Variants in SART3 observed in about 807,000 individuals in gnomAD.
The protein encoded by SART3 is HIV-1 Tat-interacting protein of 110kDa.
SART3 carries 44 observed loss-of-function variants against 122.3 expected under a neutral mutation model. That is an observed-to-expected ratio of 0.36 (90% CI 0.28 to 0.46). The LOEUF (loss-of-function observed/expected upper bound fraction) is 0.46. Ranked by LOEUF, SART3 falls within the 20% of genes least tolerant of loss-of-function variation. SART3 has a pLI of 1.00. For synonymous variants in SART3, 442 were observed against 454.0 expected (o/e 0.97, Z 0.34); for missense variants, 1,101 against 1,229.0 (o/e 0.90, Z 1.56).
intron 1 of SART3, among the ~76,000 whole-genome samples, chr12:108,559,443 A>G (rs577516429): frequency 6.6e-6 from 1 of 152,272 alleles, no homozygotes; most frequent in South Asian, 2.1e-4. Context: ...AGGTGGGTGG[A>G]TCACCTGAGG....
chr12:108,556,100 CTT>C (rs5800833), intron 1 of SART3, among the ~76,000 whole-genome samples: 128 of 145,798 alleles, frequency 8.8e-4, no homozygotes, highest in South Asian at 1.3e-3. Context: ...GAGAAACTCT[CTT>C]TTTTTTTTTT....
rs80028442 is a variant in SART3, at chr12:108,559,177, C to T, written c.312+1666G>A. On this transcript the variant is annotated intron_variant, in intron 1 of 18. Transcript: ENST00000546815. ...CTATCTCATAACAAAAATATCAGTG[C>T]CAGAGAGAGTATTATAAGGAAACTG... 2.8e-3 allele frequency among the ~76,000 whole-genome samples: 425 copies of T among 151,832 alleles called. 3 individuals are homozygous for T. The highest frequency in any genetic ancestry group is 9.7e-3 in the African/African-American group (400 of 41,370).
rs1593236487 is a variant in SART3, at chr12:108,532,415, T to C, written c.1557-81A>G. The C allele has an allele frequency of 1.4e-5, 16 of 1,120,498 alleles. No individual in the cohort carries two copies. In the South Asian group the frequency reaches 1.7e-4, roughly 12 times the overall value. 69.4% of individuals were successfully genotyped at this position (1,120,498 alleles called of 1,614,324 possible). A position where few individuals can be genotyped will look rare whatever the true frequency, so the allele number is the denominator to read the frequency against. On this transcript the variant is annotated intron_variant, in intron 12 of 18. Coordinates refer to ENST00000546815, the MANE Select transcript of SART3 (RefSeq NM_014706.4). The stretch of plus-strand genomic sequence containing the variant: ...AAGGGAGAGGCCGTCTTCTCCCAGG[T>C]AGAAACTCACTCTTCAGTAACTCTA...
chr12:108,536,961 G>GA, intron 9 of SART3, 176 bp from the exon 10 acceptor site: 1 of 655,716 alleles, frequency 1.5e-6, no homozygotes, highest in Non-Finnish European at 2.7e-6. Flanking sequence ...AAAGAAATTT[G>GA]AACAGAATAG....
intron 15 of SART3, among the ~76,000 whole-genome samples, chr12:108,529,456 A>G (rs1593234367): frequency 6.6e-6 from 1 of 152,196 alleles, no homozygotes; most frequent in African/African-American, 2.4e-5. Flanking sequence ...GGAAAGTATA[A>G]GATGACCCTT....
At position 108,535,466 on chromosome 12, in the gene SART3, A is replaced by G. The variant is rs1033816789; in HGVS notation, c.1449T>C (p.Ala483=). Residue 483 remains alanine, a splice_region_variant and synonymous_variant, in exon 12 of 19, where the codon GCT becomes GCC. Coordinates refer to ENST00000546815, the MANE Select transcript of SART3 (RefSeq NM_014706.4). The part of the protein sequence containing the change: ...VIMQNWARIE[A]RLCNNMQKAR... ...CTTTCTGCATGTTATTGCACAGTCG[A>G]GCCTAAAGTGCATCAGCAGGCTGTT... 2 of 1,613,746 alleles carry G rather than the reference A, an allele frequency of 1.2e-6. No homozygotes were observed. Among genetic ancestry groups the G allele is most frequent in the South Asian group, 1.1e-5 (1 of 91,078 alleles).
intron 1 of SART3, among the ~76,000 whole-genome samples, chr12:108,549,757 T>C (rs970961124): frequency 2.0e-5 from 3 of 152,198 alleles, no homozygotes; most frequent in African/African-American, 7.2e-5. Flanking sequence ...GGCTCACATC[T>C]GTGATCCCAG....
chr12:108,549,361 A>G, intron 1 of SART3, 147 bp from the exon 2 acceptor site: 1 of 762,662 alleles, frequency 1.3e-6, no homozygotes, highest in Non-Finnish European at 2.2e-6. Context: ...CCCAGCACGT[A>G]CCCACAGGTA....
chr12:108,547,843 A>C, intron 3 of SART3, 44 bp downstream of exon 3: 4 of 1,393,428 alleles, frequency 2.9e-6, no homozygotes, highest in Non-Finnish European at 4.1e-6. Context: ...AGACTGATAT[A>C]TATGACATTG....
rs188028069 is a variant in SART3 at position 108,554,721 on chromosome 12, T to C, written c.313-5507A>G. On this transcript the variant is annotated intron_variant, in intron 1 of 18. Transcript: ENST00000546815. ...TTTAATAATACATTAAAATTCCTTT[T>C]AAAAAACACAAAAAACTTCCCAGTA... Among the ~76,000 whole-genome samples, 278 of 150,056 alleles carry C rather than the reference T, an allele frequency of 1.9e-3. 1 individual carries two copies. Among genetic ancestry groups the C allele is most frequent in the African/African-American group, 6.4e-3 (264 of 41,212 alleles).
intron 1 of SART3, among the ~76,000 whole-genome samples, chr12:108,549,688 G>A (rs2029914930): frequency 6.6e-6 from 1 of 152,034 alleles, no homozygotes; most frequent in Non-Finnish European, 1.5e-5. Context: ...GCACATGTGA[G>A]GTACACTGTA....
chr12:108,530,109 G>A (rs764557360), intron 15 of SART3, 33 bp downstream of exon 15: 93 of 1,612,908 alleles, frequency 5.8e-5, no homozygotes, highest in Middle Eastern at 1.6e-4. Flanking sequence ...ACTTTAAGAC[G>A]TTTCAAAACA....
intron 1 of SART3, among the ~76,000 whole-genome samples, chr12:108,554,373 A>C (rs1414948179): frequency 6.6e-6 from 1 of 152,172 alleles, no homozygotes; most frequent in Non-Finnish European, 1.5e-5. Context: ...AATATTAAAA[A>C]ATCAGAAATG....
chr12:108,542,911 T>A (rs1873234045), intron 6 of SART3, 117 bp downstream of exon 6: 1 of 1,362,582 alleles, frequency 7.3e-7, no homozygotes, highest in African/African-American at 1.4e-5. Flanking sequence ...TACGTATACA[T>A]TTATACACTC....
chr12:108,546,907 C>G (rs143807062), intron 3 of SART3, among the ~76,000 whole-genome samples: 1 of 152,134 alleles, frequency 6.6e-6, no homozygotes, highest in Admixed American at 6.5e-5. Context: ...GCAACCTCCA[C>G]TTCCCAGGTT....
chr12:108,540,122 A>C (rs1369196476), intron 6 of SART3, among the ~76,000 whole-genome samples: 1 of 148,828 alleles, frequency 6.7e-6, no homozygotes, highest in African/African-American at 2.4e-5. Context: ...CTGCAGTGAA[A>C]TTAGAGGACA....
intron 9 of SART3, chr12:108,537,248 A>G: frequency 3.9e-6 from 2 of 508,322 alleles, no homozygotes; most frequent in Non-Finnish European, 7.1e-6. Flanking sequence ...GAAAGGAGAA[A>G]TGAGAGCTAA....
At chr12:108,531,086 A>G (rs1872660531) in intron 14 of SART3, 118 bp downstream of exon 14, 1 of 747,550 alleles carries the variant, frequency 1.3e-6, no homozygotes, top group Non-Finnish European at 2.3e-6. Flanking sequence ...ATATTTTATA[A>G]TTAATACTGA....
chr12:108,537,082 GGT>G, intron 9 of SART3: 1 of 469,018 alleles, frequency 2.1e-6, no homozygotes, highest in Non-Finnish European at 3.9e-6. Flanking sequence ...ACCTGTATGA[GGT>G]GACAGCTGAC....
Sources: gnomAD v4.1 joint callset for allele counts (sites outside exome capture counted in the v4.1 genomes callset) on GRCh38, gnomAD v4.1.1 for gene constraint, MANE v1.5 for transcripts, NCBI Gene and HGNC (gene_info 2026-07-23, HGNC 2026-07-21) for gene names.